The following KCNB2 variants were observed in gnomAD, a reference collection of about 807,000 sequenced individuals.
KCNB2 encodes the protein potassium voltage-gated channel subfamily B member 2.
Under a neutral mutation model 61.5 loss-of-function variants are expected in KCNB2, and 15 were observed. The observed-to-expected ratio is 0.24, with a 90% confidence interval of 0.16 to 0.38. The LOEUF is 0.38. KCNB2 is among the 10% of genes least tolerant of loss of function. KCNB2 has a pLI of 1.00. For missense variants in KCNB2, 828 were observed against 1,125.2 expected (o/e 0.74, Z 3.78); for synonymous variants, 457 against 446.0 (o/e 1.02, Z -0.31).
intron 2 of KCNB2, among the ~76,000 whole-genome samples, chr8:72,765,466 T>C (rs1808446019): frequency 6.6e-6 from 1 of 152,220 alleles, no homozygotes; most frequent in Admixed American, 6.5e-5. Flanking sequence ...CAAACCACAG[T>C]GAGTGTAGTC....
chr8:72,685,964 G>C (rs1806844524), intron 2 of KCNB2, among the ~76,000 whole-genome samples: 1 of 152,160 alleles, frequency 6.6e-6, no homozygotes, highest in Admixed American at 6.5e-5. Flanking sequence ...ACTCCAGCCT[G>C]GGCAACAAGA....
intron 2 of KCNB2, among the ~76,000 whole-genome samples, chr8:72,808,571 T>A (rs1175056686): frequency 6.6e-6 from 1 of 152,210 alleles, no homozygotes; most frequent in Admixed American, 6.5e-5. Context: ...ATCCTTCATT[T>A]ATAAAGTGGA....
chr8:72,711,960 C>T (rs550267178), intron 2 of KCNB2, among the ~76,000 whole-genome samples: 1 of 152,302 alleles, frequency 6.6e-6, no homozygotes, highest in African/African-American at 2.4e-5. Context: ...CCACTGCACT[C>T]TAGCCTGGGC....
intron 2 of KCNB2, among the ~76,000 whole-genome samples, chr8:72,646,082 T>C (rs1306266774): frequency 1.3e-5 from 2 of 152,128 alleles, no homozygotes; most frequent in Non-Finnish European, 2.9e-5. Context: ...TTTGGGAGTG[T>C]GAATCAACTG....
At chr8:72,833,082 T>C (rs1276835585) in intron 2 of KCNB2, among the ~76,000 whole-genome samples, 1 of 152,214 alleles carries the variant, frequency 6.6e-6, no homozygotes, top group African/African-American at 2.4e-5. Context: ...TCAGATAATT[T>C]AATGCATAAG....
chr8:72,602,196 A>G (rs901786557), intron 2 of KCNB2, among the ~76,000 whole-genome samples: 9 of 152,336 alleles, frequency 5.9e-5, no homozygotes, highest in South Asian at 4.1e-4. Context: ...TTTAAAATCT[A>G]TTGAGAGAAC....
chr8:72,735,266 A>AT (rs1807822903), intron 2 of KCNB2, among the ~76,000 whole-genome samples: 1 of 152,122 alleles, frequency 6.6e-6, no homozygotes, highest in African/African-American at 2.4e-5. Flanking sequence ...TTTTTTTATT[A>AT]TTTCTTGTGC....
intron 2 of KCNB2, among the ~76,000 whole-genome samples, chr8:72,856,974 G>A (rs185551463): frequency 8.1e-4 from 124 of 152,224 alleles, no homozygotes; most frequent in African/African-American, 2.8e-3. Flanking sequence ...GTATATGGGC[G>A]GAAAGACCAT....
At chr8:72,569,760 G>A (rs962973267) in intron 2 of KCNB2, among the ~76,000 whole-genome samples, 7 of 152,124 alleles carry the variant, frequency 4.6e-5, no homozygotes, top group Admixed American at 2.0e-4. Context: ...AAATGAATGA[G>A]ACAGATTCTG....
intron 2 of KCNB2, among the ~76,000 whole-genome samples, chr8:72,874,187 C>G (rs1805665507): frequency 6.6e-6 from 1 of 152,186 alleles, no homozygotes; most frequent in Admixed American, 6.5e-5. Flanking sequence ...AGTAAGACAT[C>G]ATTCTAATTT....
At chr8:72,794,204 G>A (rs1808988667) in intron 2 of KCNB2, among the ~76,000 whole-genome samples, 1 of 152,150 alleles carries the variant, frequency 6.6e-6, no homozygotes, top group Non-Finnish European at 1.5e-5. Flanking sequence ...TCATGTTGCA[G>A]GCATAGTTAC....
At chr8:72,715,582 A>G (rs1304036146) in intron 2 of KCNB2, among the ~76,000 whole-genome samples, 1 of 152,242 alleles carries the variant, frequency 6.6e-6, no homozygotes, top group Non-Finnish European at 1.5e-5. Flanking sequence ...AACGAAATGA[A>G]GGCAGAAATA....
rs576189593 is a variant in KCNB2, at chr8:72,800,686, T to C, written c.580-135249T>C. 2.6e-5 allele frequency among the ~76,000 whole-genome samples: 4 copies of C among 152,336 alleles called. No individual in the cohort carries two copies. In the South Asian group the frequency reaches 8.3e-4, roughly 32 times the overall value. On this transcript the variant is annotated intron_variant, in intron 2 of 2. Transcript: ENST00000523207. ...TGCCAATGACACAATCTTTACTATC[T>C]TTTTATAGAGATTTTTGTCCCCCAG...
intron 2 of KCNB2, among the ~76,000 whole-genome samples, chr8:72,657,097 G>A (rs953650725): frequency 7.2e-5 from 11 of 152,036 alleles, no homozygotes; most frequent in Admixed American, 5.9e-4. Flanking sequence ...TGACCTCCTC[G>A]GATATTTCTG....
rs746982802 is a variant in KCNB2 at position 72,804,643 on chromosome 8, G to C, written c.580-131292G>C. On this transcript the variant is annotated intron_variant, in intron 2 of 2. Coordinates refer to ENST00000523207, the MANE Select transcript of KCNB2 (RefSeq NM_004770.3). ...CAAATTAACTTCTAATTAAAACATAGCATTTGAAAATGACTTGTGGGGCTT... is the reference window on the plus strand; with the variant it reads ...CAAATTAACTTCTAATTAAAACATACCATTTGAAAATGACTTGTGGGGCTT... Among the ~76,000 whole-genome samples the C allele has an allele frequency of 4.6e-5, 7 of 152,230 alleles. No individual in the cohort carries two copies. In the East Asian group the frequency reaches 1.4e-3, roughly 29 times the overall value.
chr8:72,760,438 T>C (rs6472701), intron 2 of KCNB2, among the ~76,000 whole-genome samples: 1,721 of 152,222 alleles, frequency 0.011, 29 homozygotes, highest in African/African-American at 0.037. Context: ...ATTTTTCAAA[T>C]GGGGCAGGTA....
intron 2 of KCNB2, among the ~76,000 whole-genome samples, chr8:72,906,426 A>G (rs1453478809): frequency 6.6e-6 from 1 of 152,216 alleles, no homozygotes; most frequent in Non-Finnish European, 1.5e-5. Context: ...AAACAAGAGA[A>G]TTTATAATTT....
Position 72,937,244 on chromosome 8 carries a change from A to G in KCNB2, c.1889A>G (p.Gln630Arg). The change falls in exon 3 of 3, where the codon CAG becomes CGG. Residue 630 changes from glutamine (Q) to arginine (R), a missense_variant. Physicochemically the swap from Gln to Arg is conservative, Grantham distance 43. Coordinates refer to ENST00000523207, the MANE Select transcript of KCNB2 (RefSeq NM_004770.3). ...PLPPPSASHL[Q>R]MKFPTDLPGT... ...CCGCCGCCCTCCGCCTCTCACTTGCAGATGAAGTTCCCAACCGACCTCCCA... is the reference window on the plus strand; with the variant it reads ...CCGCCGCCCTCCGCCTCTCACTTGCGGATGAAGTTCCCAACCGACCTCCCA... 1 of 1,614,094 alleles carries G rather than the reference A, an allele frequency of 6.2e-7. No individual in the cohort carries two copies. Among genetic ancestry groups the G allele is most frequent in the Non-Finnish European group, 8.5e-7 (1 of 1,180,020 alleles).
chr8:72,562,408 C>T (rs1019391806), intron 1 of KCNB2, among the ~76,000 whole-genome samples: 6 of 152,218 alleles, frequency 3.9e-5, no homozygotes, highest in East Asian at 1.9e-4. Flanking sequence ...AGGGTGCAGC[C>T]GTGCAAAACT....
Sources: allele counts gnomAD v4.1 joint callset (sites outside exome capture counted in the v4.1 genomes callset), GRCh38; gene constraint gnomAD v4.1.1; transcripts MANE v1.5; gene names NCBI Gene and HGNC (gene_info 2026-07-23, HGNC 2026-07-21).